LUZP2: variants seen among roughly 807,000 people sequenced by gnomAD.
The protein encoded by LUZP2 is leucine zipper protein 2.
A neutral mutation model predicts 51.6 loss-of-function variants in LUZP2; 52 were observed. The ratio of observed to expected loss-of-function variants is 1.01; its 90% CI spans 0.81 to 1.27. The LOEUF (loss-of-function observed/expected upper bound fraction) is 1.27. Among genes scored for constraint, LUZP2 ranks in the 50% most tolerant of loss-of-function variants. The pLI, the probability that LUZP2 is intolerant of heterozygous loss-of-function variation, is 0.00. For synonymous variants in LUZP2, 154 were observed against 137.3 expected, an observed-to-expected ratio of 1.12 and a Z score of -0.85; for missense variants, 436 against 395.4, an observed-to-expected ratio of 1.10 and a Z score of -0.87.
chr11:25,009,107 T>C (rs779850974), intron 9 of LUZP2, among the ~76,000 whole-genome samples: 11 of 152,200 alleles, frequency 7.2e-5, no homozygotes, highest in Non-Finnish European at 7.3e-5. Flanking sequence ...AATGTGAAAG[T>C]CCAGAATAAT....
At chr11:24,639,909 A>G (rs781548456) in intron 1 of LUZP2, among the ~76,000 whole-genome samples, 1 of 151,756 alleles carries the variant, frequency 6.6e-6, no homozygotes, top group Non-Finnish European at 1.5e-5. Flanking sequence ...CCTCAATGCA[A>G]TCAGGGAGCA....
intron 1 of LUZP2, among the ~76,000 whole-genome samples, chr11:24,695,496 T>C (rs900949635): frequency 2.0e-5 from 3 of 152,082 alleles, no homozygotes; most frequent in Non-Finnish European, 4.4e-5. Flanking sequence ...CTTCTAATTA[T>C]TCTGAAATAC....
At chr11:25,049,224 A>G (rs901602742) in intron 9 of LUZP2, among the ~76,000 whole-genome samples, 3 of 152,054 alleles carry the variant, frequency 2.0e-5, no homozygotes, top group African/African-American at 7.2e-5. Flanking sequence ...AGTGTGATCA[A>G]AGTCTCAGAC....
At chr11:24,577,056 T>C (rs987395893) in intron 1 of LUZP2, among the ~76,000 whole-genome samples, 2 of 152,118 alleles carry the variant, frequency 1.3e-5, no homozygotes, top group Non-Finnish European at 2.9e-5. Context: ...GCTTTTGCTA[T>C]TTATTTGCTT....
At chr11:24,594,563 C>G (rs915837655) in intron 1 of LUZP2, among the ~76,000 whole-genome samples, 1 of 152,024 alleles carries the variant, frequency 6.6e-6, no homozygotes, top group Non-Finnish European at 1.5e-5. Context: ...CTTAACATAC[C>G]TTGGAGGTTA....
At chr11:24,557,536 C>T (rs558402476) in intron 1 of LUZP2, among the ~76,000 whole-genome samples, 1 of 151,972 alleles carries the variant, frequency 6.6e-6, no homozygotes, top group African/African-American at 2.4e-5. Flanking sequence ...TTAAGTAATG[C>T]AAATGCAAGG....
At chr11:24,614,242 C>T (rs1292875904) in intron 1 of LUZP2, among the ~76,000 whole-genome samples, 1 of 151,908 alleles carries the variant, frequency 6.6e-6, no homozygotes. Context: ...CAGTCCATTC[C>T]ATTTTTGGTA....
chr11:24,867,100 GAC>G (rs764211111), intron 5 of LUZP2, among the ~76,000 whole-genome samples: 69 of 152,124 alleles, frequency 4.5e-4, no homozygotes, highest in Non-Finnish European at 7.9e-4. Context: ...ATAAATTATG[GAC>G]CAGAGTCTTT....
At chr11:25,030,281 A>T (rs1331373188) in intron 9 of LUZP2, among the ~76,000 whole-genome samples, 1 of 152,190 alleles carries the variant, frequency 6.6e-6, no homozygotes, top group African/African-American at 2.4e-5. Flanking sequence ...TTGTAGTTCA[A>T]TTAATTCTCA....
At chr11:24,561,218 T>C (rs1852029229) in intron 1 of LUZP2, among the ~76,000 whole-genome samples, 1 of 152,166 alleles carries the variant, frequency 6.6e-6, no homozygotes, top group African/African-American at 2.4e-5. Flanking sequence ...GATATTTAAT[T>C]AGGTCATTTT....
chr11:24,658,755 A>G (rs989383324), intron 1 of LUZP2, among the ~76,000 whole-genome samples: 1 of 152,154 alleles, frequency 6.6e-6, no homozygotes, highest in African/African-American at 2.4e-5. Flanking sequence ...CAAAAAGTCA[A>G]TGAAGGATAT....
intron 7 of LUZP2, among the ~76,000 whole-genome samples, chr11:24,923,939 C>G (rs1854150306): frequency 6.6e-6 from 1 of 152,122 alleles, no homozygotes; most frequent in Non-Finnish European, 1.5e-5. Flanking sequence ...TGCAGATTCA[C>G]TAAGAAGGAG....
At position 24,808,737 on chromosome 11, in the gene LUZP2, A is replaced by G. The variant is rs945894833; in HGVS notation, c.396+45429A>G. Among the ~76,000 whole-genome samples, 4 of 152,168 alleles carry G rather than the reference A, an allele frequency of 2.6e-5. No homozygotes were observed. The South Asian group carries it at 6.2e-4, about 24-fold the overall frequency. On this transcript the variant is annotated intron_variant, in intron 5 of 11. Coordinates refer to ENST00000336930, the MANE Select transcript of LUZP2 (RefSeq NM_001009909.4). ...TGTAGTTAAATATCTATAGTCCTTA[A>G]CCCTTGGTGTACTGGAGTCACATGT...
intron 5 of LUZP2, among the ~76,000 whole-genome samples, chr11:24,868,100 C>A (rs1427861470): frequency 6.6e-6 from 1 of 152,064 alleles, no homozygotes; most frequent in Admixed American, 6.6e-5. Context: ...CCTCTCAGAC[C>A]ACTGAAGAAA....
intron 1 of LUZP2, among the ~76,000 whole-genome samples, chr11:24,586,976 A>T (rs529040870): frequency 3.3e-4 from 50 of 152,274 alleles, no homozygotes; most frequent in African/African-American, 1.1e-3. Flanking sequence ...TAGAAATAAG[A>T]ACATAGTTTT....
At chr11:25,008,463 T>A (rs971395411) in intron 9 of LUZP2, among the ~76,000 whole-genome samples, 4 of 152,174 alleles carry the variant, frequency 2.6e-5, no homozygotes, top group Non-Finnish European at 5.9e-5. Context: ...AGCTTGTTTG[T>A]TCCCATCACC....
At chr11:25,060,003 T>C (rs1437532272) in intron 10 of LUZP2, among the ~76,000 whole-genome samples, 1 of 152,116 alleles carries the variant, frequency 6.6e-6, no homozygotes, top group Non-Finnish European at 1.5e-5. Flanking sequence ...TTAGGAACCT[T>C]TATATGTTTT....
At chr11:24,859,878 G>GC (rs1851685873) in intron 5 of LUZP2, among the ~76,000 whole-genome samples, 2 of 152,170 alleles carry the variant, frequency 1.3e-5, no homozygotes, top group South Asian at 4.1e-4. Flanking sequence ...AGCCACTGGG[G>GC]CCTAGTGTCC....
intron 1 of LUZP2, among the ~76,000 whole-genome samples, chr11:24,559,744 T>G (rs1457312452): frequency 6.6e-6 from 1 of 152,208 alleles, no homozygotes; most frequent in Non-Finnish European, 1.5e-5. Flanking sequence ...AAATCAGAGT[T>G]ACAGTGTGTT....
Sources: allele counts gnomAD v4.1 joint callset (sites outside exome capture counted in the v4.1 genomes callset), GRCh38; gene constraint gnomAD v4.1.1; transcripts MANE v1.5; gene names NCBI Gene and HGNC (gene_info 2026-07-23, HGNC 2026-07-21).